ISX: variants seen among roughly 807,000 people sequenced by gnomAD.
ISX encodes intestine-specific homeobox.
In ISX, 15 loss-of-function variants were observed where a neutral mutation model predicts 16.9. The observed-to-expected ratio is 0.89, with a 90% CI of 0.59 to 1.36. The LOEUF is 1.36. Ranked by LOEUF, ISX falls within the 40% of genes most tolerant of loss-of-function variation. The pLI is 0.00. For synonymous variants in ISX, 125 were observed against 119.7 expected (o/e 1.04, Z -0.29); for missense variants, 316 against 306.1 (o/e 1.03, Z -0.24).
At position 35,085,722 on chromosome 22, in the gene ISX, C is replaced by T. The variant is rs1929239364; in HGVS notation, c.*29C>T. 1.3e-5 allele frequency: 21 copies of T among 1,613,522 alleles called. No individual in the cohort carries two copies. The highest frequency in any genetic ancestry group is 1.8e-5 in the Non-Finnish European group (21 of 1,179,464). The stretch of plus-strand genomic sequence containing the variant: ...TTGGACATGCTCTCCCCAAATGAGC[C>T]ACTTTCCTCTCCAGGTGAAGGCAGG... On this transcript the variant is annotated 3_prime_UTR_variant, in exon 5 of 5. Coordinates refer to ENST00000404699, the MANE Select transcript of ISX (RefSeq NM_001303508.2).
In ISX at chr22:35,067,667, T is replaced by C. The variant is rs566084687; in HGVS notation, c.229+351T>C. Among the ~76,000 whole-genome samples, 3 of 152,276 alleles carry C rather than the reference T, an allele frequency of 2.0e-5. No homozygotes were observed. The East Asian group carries it at 5.8e-4, about 29-fold the overall frequency. On this transcript the variant is annotated intron_variant, in intron 2 of 4. Transcript: ENST00000404699. ...AGCATGATTATCATAACTGGACAGA[T>C]AAGAAAACTCATCTGTGAAAGAGAA...
intron 3 of ISX, among the ~76,000 whole-genome samples, chr22:35,083,367 A>C (rs73168070): frequency 0.079 from 12,006 of 152,246 alleles, 508 homozygotes; most frequent in Middle Eastern, 0.14. Flanking sequence ...AAAGGTCTTG[A>C]ATTCGTGGTC....
At chr22:35,084,285 A>G (rs1929192136) in intron 3 of ISX, 98 bp from the exon 4 acceptor site, 6 of 787,330 alleles carry the variant, frequency 7.6e-6, no homozygotes, top group Non-Finnish European at 1.1e-5. Flanking sequence ...ACTATAAAGT[A>G]CAGTCCCTTG....
chr22:35,078,405 T>C (rs999230391), intron 2 of ISX, among the ~76,000 whole-genome samples: 1 of 152,328 alleles, frequency 6.6e-6, no homozygotes, highest in East Asian at 1.9e-4. Flanking sequence ...CAATTCTGAC[T>C]GACTTCAGCT....
intron 2 of ISX, among the ~76,000 whole-genome samples, chr22:35,076,055 A>G (rs1310180394): frequency 6.6e-6 from 1 of 152,034 alleles, no homozygotes; most frequent in Non-Finnish European, 1.5e-5. Flanking sequence ...TTTTACAAAT[A>G]TGGAAGCCAG....
At chr22:35,076,707 G>C (rs978594330) in intron 2 of ISX, among the ~76,000 whole-genome samples, 2 of 152,188 alleles carry the variant, frequency 1.3e-5, no homozygotes, top group Non-Finnish European at 2.9e-5. Flanking sequence ...AATCAGGGGA[G>C]GGTGCTGAGC....
At position 35,066,942 on chromosome 22, in the gene ISX, G is replaced by A. The variant is rs950139650; in HGVS notation, c.-146G>A. On this transcript the variant is annotated 5_prime_UTR_variant, in exon 2 of 5. Coordinates refer to ENST00000404699, the MANE Select transcript of ISX (RefSeq NM_001303508.2). ...TGCCCATGGAAGTCCCTGTGGACAC[G>A]AAATCCTGTTTGGATCATCTAACTG... The A allele has an allele frequency of 9.7e-6, 6 of 619,948 alleles. No individual in the cohort carries two copies. The highest frequency in any genetic ancestry group is 1.7e-5 in the Non-Finnish European group (6 of 353,006). The allele number at this position is 619,948 out of a possible 1,614,324, so 38.4% of individuals were successfully genotyped here.
At chr22:35,072,178 G>A (rs1188965861) in intron 2 of ISX, among the ~76,000 whole-genome samples, 1 of 152,176 alleles carries the variant, frequency 6.6e-6, no homozygotes, top group African/African-American at 2.4e-5. Flanking sequence ...CTTCCTACAG[G>A]GATACCTGGA....
chr22:35,079,181 C>T (rs958724902), intron 2 of ISX, among the ~76,000 whole-genome samples: 1 of 152,218 alleles, frequency 6.6e-6, no homozygotes, highest in Non-Finnish European at 1.5e-5. Flanking sequence ...TGAGTGTCTA[C>T]TCCAATTCTT....
chr22:35,083,864 C>A (rs1929181644), intron 3 of ISX, among the ~76,000 whole-genome samples: 1 of 152,274 alleles, frequency 6.6e-6, no homozygotes, highest in African/African-American at 2.4e-5. Context: ...CAGGGACCAT[C>A]AGCACCTGCT....
rs750677233 is a variant in ISX at position 35,085,573 on chromosome 22, G to T, written c.618G>T (p.Ala206=). ...CTGCCTGGATCACCCTCCTCCCAGC[G>T]CACCCATGGGAAACACAGCCTGTCC... ...WFPAWITLLP[A]HPWETQPVPG... is the part of the protein sequence containing the mutation. The change falls in exon 5 of 5, where the codon GCG becomes GCT. Residue 206 remains alanine (A), a synonymous_variant. Coordinates refer to ENST00000404699, the MANE Select transcript of ISX (RefSeq NM_001303508.2). 1.2e-5 allele frequency: 20 copies of T among 1,614,154 alleles called. No individual in the cohort carries two copies. The East Asian group carries it at 4.5e-4, about 36-fold the overall frequency.
Position 35,067,104 on chromosome 22 carries a change from GC to G in ISX, c.20del (p.Pro7LeufsTer21). 6.2e-7 allele frequency: 1 copy of G among 1,613,438 alleles called. No homozygotes were observed. The highest frequency in any genetic ancestry group is 1.3e-5 in the African/African-American group (1 of 75,014). On this transcript the variant is annotated frameshift_variant, in exon 2 of 5. Transcript: ENST00000404699. LOFTEE classifies it high-confidence loss of function. ...AGCCCCTCAATGTGTGCTGAGGTGG[GC>G]CCTGCTCTCTGCAGGGGTATGGAGA... MCAEV[G>X]PALCRGMERN...
At chr22:35,084,192 C>A (rs578135571) in intron 3 of ISX, among the ~76,000 whole-genome samples, 191 bp from the exon 4 acceptor site, 1 of 152,384 alleles carries the variant, frequency 6.6e-6, no homozygotes, top group African/African-American at 2.4e-5. Context: ...GCCCTGTAGG[C>A]ATTGAAGGTG....
chr22:35,085,431 C>G, intron 4 of ISX, 23 bp from the exon 5 acceptor site: 2 of 1,614,096 alleles, frequency 1.2e-6, no homozygotes, highest in Non-Finnish European at 1.7e-6. Flanking sequence ...TCACTTCTCT[C>G]TCCTGACCTC....
At position 35,085,976 on chromosome 22, in the gene ISX, C is replaced by T; in HGVS notation, c.*283C>T. 2.1e-6 allele frequency: 1 copy of T among 475,854 alleles called. No homozygotes were observed. The highest frequency in any genetic ancestry group is 3.9e-6 in the Non-Finnish European group (1 of 259,344). The allele number at this position is 475,854 out of a possible 1,614,324, so 29.5% of individuals were successfully genotyped here. A position where few individuals can be genotyped will look rare whatever the true frequency, so the allele number is the denominator to read the frequency against. ...GCTCTGAAATAGGGAGGTAATCCTC[C>T]AGCACCTGTGTTTCCTCTAACTTGC... On this transcript the variant is annotated 3_prime_UTR_variant, in exon 5 of 5. Coordinates refer to ENST00000404699, the MANE Select transcript of ISX (RefSeq NM_001303508.2).
Position 35,085,789 on chromosome 22 carries a change from A to G in ISX, c.*96A>G, listed in dbSNP as rs372266660. 3.6e-5 allele frequency: 54 copies of G among 1,521,092 alleles called. 2 individuals are homozygous for G. In the East Asian group the frequency reaches 6.8e-4, roughly 19 times the overall value. The allele number at this position is 1,521,092 out of a possible 1,614,324, so 94.2% of individuals were successfully genotyped here. A position where few individuals can be genotyped will look rare whatever the true frequency, so the allele number is the denominator to read the frequency against. On this transcript the variant is annotated 3_prime_UTR_variant, in exon 5 of 5. Transcript: ENST00000404699. ...GGCCTCTGGGGAAATCGATTTCACA[A>G]TCCAAAAATGGCCCACAGCCCAGGA...
chr22:35,078,342 T>C (rs1929037794), intron 2 of ISX, among the ~76,000 whole-genome samples: 1 of 152,156 alleles, frequency 6.6e-6, no homozygotes, highest in South Asian at 2.1e-4. Context: ...GTTACAGAGA[T>C]GACATTCACT....
chr22:35,074,100 G>C (rs575164306), intron 2 of ISX, among the ~76,000 whole-genome samples: 4 of 152,218 alleles, frequency 2.6e-5, no homozygotes, highest in Non-Finnish European at 5.9e-5. Context: ...CTCTGCAGCT[G>C]TTTCTCTCTG....
At chr22:35,082,744 C>T (rs1164484224) in intron 3 of ISX, 75 bp downstream of exon 3, 5 of 1,508,162 alleles carry the variant, frequency 3.3e-6, no homozygotes, top group Non-Finnish European at 4.5e-6. Context: ...TATCCAGGGA[C>T]TTTTCGGGTT....
Sources: gnomAD v4.1 joint callset for allele counts (sites outside exome capture counted in the v4.1 genomes callset) on GRCh38, gnomAD v4.1.1 for gene constraint, MANE v1.5 for transcripts, NCBI Gene and HGNC (gene_info 2026-07-23, HGNC 2026-07-21) for gene names.